Variants in AGL observed in about 807,000 individuals in gnomAD.
AGL encodes glycogen debranching enzyme.
Under a neutral mutation model 199.3 loss-of-function variants are expected in AGL, and 128 were observed. The observed-to-expected ratio is 0.64, with a 90% confidence interval of 0.56 to 0.74. The LOEUF (loss-of-function observed/expected upper bound fraction) is 0.74. AGL is among the 30% of genes least tolerant of loss of function. The pLI, the probability that AGL is intolerant of heterozygous loss-of-function variation, is 0.00. For synonymous variants in AGL, 584 were observed against 594.7 expected (o/e 0.98, Z 0.26); for missense variants, 1,809 against 1,820.8 (o/e 0.99, Z 0.12).
At chr1:99,890,314 C>T (rs1158450148) in intron 21 of AGL, among the ~76,000 whole-genome samples, 1 of 152,086 alleles carries the variant, frequency 6.6e-6, no homozygotes, top group Non-Finnish European at 1.5e-5. Context: ...CAACATTTAC[C>T]GAGCATTATC....
chr1:99,859,721 T>A (rs540126537), intron 2 of AGL, among the ~76,000 whole-genome samples: 2 of 152,244 alleles, frequency 1.3e-5, no homozygotes, highest in South Asian at 4.1e-4. Context: ...TTTTTGCGTT[T>A]AGTAGAGATG....
intron 12 of AGL, among the ~76,000 whole-genome samples, chr1:99,878,335 C>T (rs569873237): frequency 1.3e-3 from 197 of 151,828 alleles, no homozygotes; most frequent in African/African-American, 4.5e-3. Context: ...CAGAGTGAGA[C>T]TCTGTCTAAA....
chr1:99,923,394 T>G lies in AGL; in HGVS notation c.*1743T>G, dbSNP rs1015266399. 6.6e-6 allele frequency: 1 copy of G among 152,202 alleles called. No homozygotes were observed. The highest frequency in any genetic ancestry group is 2.4e-5 in the African/African-American group (1 of 41,458). 9.4% of individuals were successfully genotyped at this position (152,202 alleles called of 1,614,324 possible). On this transcript the variant is annotated 3_prime_UTR_variant, in exon 34 of 34. Coordinates refer to ENST00000361915, the MANE Select transcript of AGL (RefSeq NM_000642.3). ...GGAAAGGTAACAGAAAACCAGCATA[T>G]TTAATCAAAGCAAGAAGTAATCGCT...
intron 5 of AGL, among the ~76,000 whole-genome samples, chr1:99,868,457 C>A (rs907964070): frequency 1.3e-5 from 2 of 151,842 alleles, no homozygotes; most frequent in Admixed American, 6.6e-5. Context: ...ACTAAAAATA[C>A]AAAAATTAGC....
At chr1:99,856,579 A>G (rs7526847) in intron 2 of AGL, among the ~76,000 whole-genome samples, 4,175 of 151,990 alleles carry the variant, frequency 0.027, 67 homozygotes, top group Middle Eastern at 0.092. Flanking sequence ...TTCCTAGGCA[A>G]AGGACCCTGC....
chr1:99,856,589 C>T (rs562709983), intron 2 of AGL, among the ~76,000 whole-genome samples: 378 of 152,042 alleles, frequency 2.5e-3, no homozygotes, highest in Non-Finnish European at 4.6e-3. Context: ...AAGGACCCTG[C>T]GGCCTTCCAC....
At chr1:99,907,773 T>C (rs568053089) in intron 27 of AGL, among the ~76,000 whole-genome samples, 2 of 150,968 alleles carry the variant, frequency 1.3e-5, no homozygotes, top group Admixed American at 1.3e-4. Context: ...AATGATTTCT[T>C]AGTGATGTTG....
Position 99,861,532 on chromosome 1 carries a change from A to G in AGL, c.112A>G (p.Thr38Ala), listed in dbSNP as rs35278779. 4,303 of 1,614,008 alleles carry G rather than the reference A, an allele frequency of 2.7e-3. 100 individuals are homozygous for G. The African/African-American group carries it at 0.05, about 19-fold the overall frequency. ...TGAGCTACAGTTCCGATTAGGCCCA[A>G]CTTTACAGGGAAAAGCAGTTACCGT... ...GYELQFRLGP[T>A]LQGKAVTVYT... is the part of the protein sequence containing the mutation. Residue 38 changes from threonine (T) to alanine (A), a missense_variant, in exon 3 of 34, where the codon ACT becomes GCT. Physicochemically the swap from Thr to Ala is moderately conservative, Grantham distance 58. Transcript: ENST00000361915.
intron 25 of AGL, among the ~76,000 whole-genome samples, chr1:99,899,522 C>CTCTCTT (rs1653626449): frequency 1.1e-5 from 1 of 92,222 alleles, no homozygotes; most frequent in African/African-American, 4.6e-5. Flanking sequence ...CTCTCTCTCT[C>CTCTCTT]TCTCTCTTTC....
intron 5 of AGL, among the ~76,000 whole-genome samples, chr1:99,867,718 G>T (rs1012061334): frequency 6.6e-6 from 1 of 151,880 alleles, no homozygotes; most frequent in African/African-American, 2.4e-5. Flanking sequence ...ACCATGCCTG[G>T]CTAATTTTTA....
intron 5 of AGL, among the ~76,000 whole-genome samples, chr1:99,866,363 T>C (rs1190180731): frequency 2.6e-5 from 4 of 152,224 alleles, no homozygotes; most frequent in Admixed American, 1.3e-4. Context: ...GATAGGGAAC[T>C]AGTTTCTCTC....
Position 99,891,421 on chromosome 1 carries a change from A to T in AGL, c.2949+65A>T, listed in dbSNP as rs560852842. 7.2e-5 allele frequency: 112 copies of T among 1,561,098 alleles called. No homozygotes were observed. In the East Asian group the frequency reaches 2.5e-3, roughly 35 times the overall value. ...ATAATAATAAATATTACCATGTTAT[A>T]TATAATATTTACATTGTTTTCTAAC... On this transcript the variant is annotated intron_variant, in intron 22 of 33. Coordinates refer to ENST00000361915, the MANE Select transcript of AGL (RefSeq NM_000642.3).
intron 27 of AGL, among the ~76,000 whole-genome samples, chr1:99,909,502 A>C (rs553363190): frequency 6.6e-6 from 1 of 152,280 alleles, no homozygotes; most frequent in Non-Finnish European, 1.5e-5. Context: ...ATGTTGTCAC[A>C]AAAGTTTCTG....
At chr1:99,875,547 G>A (rs1157675826) in intron 10 of AGL, 92 bp downstream of exon 10, 1 of 1,036,580 alleles carries the variant, frequency 9.6e-7, no homozygotes, top group African/African-American at 1.6e-5. Flanking sequence ...TCTTTAACAT[G>A]TGAGTTCAGT....
In AGL at chr1:99,900,659, G is replaced by T. The variant is rs779241109; in HGVS notation, c.3386G>T (p.Gly1129Val). ...AGGAATATTATTTTAGCATTTGCGG[G>T]TACCCTGAGGCATGGTCTCATTCCT... Reference protein sequence around the residue: ...EARNIILAFAGTLRHGLIPNL... With the variant: ...EARNIILAFAVTLRHGLIPNL... The change falls in exon 26 of 34, where the codon GGT becomes GTT. Residue 1129 changes from glycine to valine, a missense_variant. Physicochemically the swap from Gly to Val is moderately radical, Grantham distance 109 (BLOSUM62 -3). Transcript: ENST00000361915. 2.5e-6 allele frequency: 4 copies of T among 1,613,940 alleles called. No individual in the cohort carries two copies. In the South Asian group the frequency reaches 4.4e-5, roughly 18 times the overall value.
intron 2 of AGL, among the ~76,000 whole-genome samples, chr1:99,856,910 A>G (rs1649526577): frequency 1.3e-5 from 2 of 152,220 alleles, no homozygotes; most frequent in Admixed American, 1.3e-4. Flanking sequence ...TCTATTCCAC[A>G]AAACCGCCGT....
At chr1:99,885,555 G>A (rs1172617153) in intron 20 of AGL, among the ~76,000 whole-genome samples, 1 of 152,124 alleles carries the variant, frequency 6.6e-6, no homozygotes, top group Non-Finnish European at 1.5e-5. Context: ...AGCTTTATCT[G>A]TATTTACAGC....
chr1:99,907,693 G>GTTTTTTTTTTGTTTT (rs71075465), intron 27 of AGL, among the ~76,000 whole-genome samples: 49 of 118,976 alleles, frequency 4.1e-4, no homozygotes, highest in Middle Eastern at 8.3e-3. Context: ...TTTGTTTTTT[G>GTTTTTTTTTTGTTTT]TTTTTTTTGC....
chr1:99,856,066 G>T (rs1649389667), intron 2 of AGL, among the ~76,000 whole-genome samples: 1 of 152,158 alleles, frequency 6.6e-6, no homozygotes, highest in African/African-American at 2.4e-5. Flanking sequence ...AAGTATCCTA[G>T]CATTAGTATG....
Sources: gnomAD v4.1 joint callset for allele counts (sites outside exome capture counted in the v4.1 genomes callset) on GRCh38, gnomAD v4.1.1 for gene constraint, MANE v1.5 for transcripts, NCBI Gene and HGNC (gene_info 2026-07-23, HGNC 2026-07-21) for gene names.